OMA1: variants seen among roughly 807,000 people sequenced by gnomAD.
OMA1 encodes the protein OMA1 zinc metallopeptidase.
Under a neutral mutation model 30.9 loss-of-function variants are expected in OMA1, and 38 were observed. That is an observed-to-expected ratio of 1.23 (90% CI 0.95 to 1.61). The LOEUF (loss-of-function observed/expected upper bound fraction) is 1.61. OMA1 is among the 40% of genes most tolerant of loss of function. The probability of loss-of-function intolerance (pLI) is 0.00; values close to 1 mark genes in which losing one functional copy is unlikely to be tolerated. For missense variants in OMA1, 461 were observed against 349.2 expected, an observed-to-expected ratio of 1.32 and a Z score of -2.55; for synonymous variants, 173 against 121.9, an observed-to-expected ratio of 1.42 and a Z score of -2.76.
intron 7 of OMA1, among the ~76,000 whole-genome samples, chr1:58,520,517 A>G (rs976366332): frequency 6.6e-6 from 1 of 152,206 alleles, no homozygotes; most frequent in East Asian, 1.9e-4. Flanking sequence ...AATTAAACAA[A>G]TAGACTAACT....
chr1:58,545,106 G>C (rs546670880), intron 1 of OMA1, among the ~76,000 whole-genome samples: 1 of 152,080 alleles, frequency 6.6e-6, no homozygotes, highest in African/African-American at 2.4e-5. Flanking sequence ...ACTTCTCCAG[G>C]CACCTTCCCC....
At position 58,506,089 on chromosome 1, in the gene OMA1, C is replaced by A; in HGVS notation, c.1336G>T (p.Val446Phe). ...GGTATAAGTCTATCCAAGTACTCAA[C>A]TCGATTGCCATGAGAAGGGTGTGTA... is the stretch of plus-strand genomic sequence containing the variant. Reference protein sequence around the residue: ...LSTHPSHGNRVEYLDRLIPQA... With the variant: ...LSTHPSHGNRFEYLDRLIPQA... Residue 446 changes from valine to phenylalanine, a missense_variant, in exon 8 of 9, where the codon GTT (valine) becomes TTT (phenylalanine). Physicochemically the swap from Val to Phe is conservative, Grantham distance 50 (BLOSUM62 -1). Transcript: ENST00000371226. 1.1e-6 allele frequency: 1 copy of A among 871,622 alleles called. No individual in the cohort carries two copies. The highest frequency in any genetic ancestry group is 2.0e-6 in the Non-Finnish European group (1 of 500,672). 54.0% of individuals were successfully genotyped at this position (871,622 alleles called of 1,614,324 possible).
intron 7 of OMA1, among the ~76,000 whole-genome samples, chr1:58,522,321 A>C (rs1165307493): frequency 6.6e-6 from 1 of 152,188 alleles, no homozygotes; most frequent in African/African-American, 2.4e-5. Flanking sequence ...GGAACTTTAA[A>C]GTTGAAGAAA....
chr1:58,488,126 T>C (rs560316553), intron 8 of OMA1, among the ~76,000 whole-genome samples: 1 of 152,190 alleles, frequency 6.6e-6, no homozygotes, highest in Non-Finnish European at 1.5e-5. Flanking sequence ...AATACAGATT[T>C]AGTAAAAACT....
intron 7 of OMA1, among the ~76,000 whole-genome samples, chr1:58,508,189 C>CTTTAATG (rs1380395156): frequency 6.6e-6 from 1 of 152,158 alleles, no homozygotes; most frequent in Non-Finnish European, 1.5e-5. Flanking sequence ...GAGATATCTA[C>CTTTAATG]TTTAATGTTA....
At chr1:58,545,436 A>C (rs1646686424) in intron 1 of OMA1, among the ~76,000 whole-genome samples, 1 of 152,226 alleles carries the variant, frequency 6.6e-6, no homozygotes, top group South Asian at 2.1e-4. Flanking sequence ...TCCTGAAGAA[A>C]GGGTAAAGAA....
intron 1 of OMA1, among the ~76,000 whole-genome samples, chr1:58,545,060 C>T (rs1371812885): frequency 1.3e-5 from 2 of 152,092 alleles, no homozygotes; most frequent in African/African-American, 4.8e-5. Context: ...ATGGCTTCCA[C>T]AAACTCCTTC....
intron 7 of OMA1, among the ~76,000 whole-genome samples, chr1:58,514,018 G>C (rs780040155): frequency 1.6e-4 from 25 of 152,280 alleles, no homozygotes; most frequent in Non-Finnish European, 2.1e-4. Flanking sequence ...GAATTGTCAA[G>C]TTAAAATGTG....
chr1:58,512,989 T>C (rs922145399), intron 7 of OMA1, among the ~76,000 whole-genome samples: 2 of 152,214 alleles, frequency 1.3e-5, no homozygotes, highest in African/African-American at 4.8e-5. Context: ...TCTAATTCTT[T>C]TGCTTCAAGA....
At chr1:58,489,058 C>A (rs986808478) in intron 8 of OMA1, among the ~76,000 whole-genome samples, 3 of 152,220 alleles carry the variant, frequency 2.0e-5, no homozygotes, top group African/African-American at 7.2e-5. Context: ...AACTGAGGTA[C>A]TGGGTGCATC....
chr1:58,510,693 T>A (rs140240891), intron 7 of OMA1, among the ~76,000 whole-genome samples: 7 of 152,070 alleles, frequency 4.6e-5, no homozygotes, highest in African/African-American at 1.4e-4. Flanking sequence ...GATTTGCAGA[T>A]GATATGATCT....
At chr1:58,498,238 A>C (rs1645837721) in intron 8 of OMA1, among the ~76,000 whole-genome samples, 1 of 151,662 alleles carries the variant, frequency 6.6e-6, no homozygotes, top group African/African-American at 2.4e-5. Context: ...TAAAACTAAA[A>C]GTTAAAAAAA....
At chr1:58,481,724 G>A (rs1188191469) in intron 8 of OMA1, among the ~76,000 whole-genome samples, 1 of 152,160 alleles carries the variant, frequency 6.6e-6, no homozygotes, top group Non-Finnish European at 1.5e-5. Context: ...CTGAATCATG[G>A]AGGTGGGTGT....
intron 7 of OMA1, among the ~76,000 whole-genome samples, chr1:58,519,723 G>C (rs552852691): frequency 6.6e-6 from 1 of 151,968 alleles, no homozygotes; most frequent in South Asian, 2.1e-4. Flanking sequence ...ACAGAGATTA[G>C]AGTTAAGAAA....
chr1:58,544,225 A>G (rs1356562667), intron 1 of OMA1, among the ~76,000 whole-genome samples: 1 of 152,234 alleles, frequency 6.6e-6, no homozygotes, highest in Non-Finnish European at 1.5e-5. Flanking sequence ...TTAACCAAAC[A>G]TTCAGATTTT....
At chr1:58,528,530 G>A (rs1239257404) in intron 6 of OMA1, among the ~76,000 whole-genome samples, 1 of 152,166 alleles carries the variant, frequency 6.6e-6, no homozygotes, top group African/African-American at 2.4e-5. Flanking sequence ...CAAATGTTTG[G>A]AAATATTTAT....
At chr1:58,545,332 C>G (rs1189860494) in intron 1 of OMA1, among the ~76,000 whole-genome samples, 3 of 152,176 alleles carry the variant, frequency 2.0e-5, no homozygotes, top group African/African-American at 7.2e-5. Context: ...CAACACTACG[C>G]ATATATAATT....
chr1:58,490,879 C>G (rs1280042036), intron 8 of OMA1, among the ~76,000 whole-genome samples: 1 of 139,268 alleles, frequency 7.2e-6, no homozygotes, highest in Non-Finnish European at 1.5e-5. Flanking sequence ...GATCTCGGCT[C>G]ACAGCAAGCT....
At chr1:58,488,117 A>C (rs1645608504) in intron 8 of OMA1, among the ~76,000 whole-genome samples, 1 of 152,170 alleles carries the variant, frequency 6.6e-6, no homozygotes, top group Admixed American at 6.5e-5. Flanking sequence ...TTTTCTTTAA[A>C]TACAGATTTA....
Sources: allele counts gnomAD v4.1 joint callset (sites outside exome capture counted in the v4.1 genomes callset), GRCh38; gene constraint gnomAD v4.1.1; transcripts MANE v1.5; gene names NCBI Gene and HGNC (gene_info 2026-07-23, HGNC 2026-07-21).